Variants in PCDHGA10 observed in about 807,000 individuals in gnomAD.
PCDHGA10 encodes protocadherin gamma subfamily A, 10.
PCDHGA10 carries 42 observed loss-of-function variants against 59.5 expected under a neutral mutation model. The observed-to-expected ratio is 0.71, with a 90% CI of 0.55 to 0.91. The LOEUF is 0.91. Ranked by LOEUF, PCDHGA10 falls within the 40% of genes least tolerant of loss-of-function variation. The probability of loss-of-function intolerance (pLI) is 0.00; values close to 1 mark genes in which losing one functional copy is unlikely to be tolerated. For synonymous variants in PCDHGA10, 511 were observed against 517.2 expected, an observed-to-expected ratio of 0.99 and a Z score of 0.16; for missense variants, 1,111 against 1,198.2, an observed-to-expected ratio of 0.93 and a Z score of 1.07.
At chr5:141,423,342 C>A in intron 1 of PCDHGA10, 1 of 1,613,824 alleles carries the variant, frequency 6.2e-7, no homozygotes, top group South Asian at 1.1e-5. Flanking sequence ...CCTGCATCTT[C>A]CTGGTCTTTG....
chr5:141,481,856 G>A (rs1402368786), intron 1 of PCDHGA10, among the ~76,000 whole-genome samples: 1 of 149,156 alleles, frequency 6.7e-6, no homozygotes, highest in Admixed American at 6.8e-5. Flanking sequence ...GGAGGTTGCA[G>A]TGAGCCGAGA....
rs1358516648 is a variant in PCDHGA10, at chr5:141,489,199, A to C, written c.2437-5608A>C. The C allele has an allele frequency of 1.4e-6, 2 of 1,395,234 alleles. No individual in the cohort carries two copies. The highest frequency in any genetic ancestry group is 2.8e-5 in the South Asian group (2 of 71,520). The allele number at this position is 1,395,234 out of a possible 1,614,324, so 86.4% of individuals were successfully genotyped here. ...CAAGCCCTGGGTCTACCTTGGAGAC[A>C]GGACAGCACAGACTTACTCTCCACA... On this transcript the variant is annotated intron_variant, in intron 1 of 3. Transcript: ENST00000398610. The surrounding 1 kb of genome is among the most constrained non-coding windows in gnomAD (Gnocchi z 4.5).
At chr5:141,435,413 A>G (rs1422263053) in intron 1 of PCDHGA10, among the ~76,000 whole-genome samples, 1 of 152,122 alleles carries the variant, frequency 6.6e-6, no homozygotes, top group Admixed American at 6.5e-5. Flanking sequence ...GGTAAAGACT[A>G]TTTTTCACTT....
At position 141,421,474 on chromosome 5, in the gene PCDHGA10, G is replaced by C. The variant is rs1320526226; in HGVS notation, c.2436+5863G>C. 4 of 1,614,132 alleles carry C rather than the reference G, an allele frequency of 2.5e-6. No homozygotes were observed. The African/African-American group carries it at 5.3e-5, about 21-fold the overall frequency. On this transcript the variant is annotated intron_variant, in intron 1 of 3. Coordinates refer to ENST00000398610, the MANE Select transcript of PCDHGA10 (RefSeq NM_018913.3). ...GCTTTTCGCTGTGAATCCGCGAAGCGGCAGCTTGATCACGGCAGGCAGGAT... is the reference window on the plus strand; with the variant it reads ...GCTTTTCGCTGTGAATCCGCGAAGCCGCAGCTTGATCACGGCAGGCAGGAT...
intron 2 of PCDHGA10, among the ~76,000 whole-genome samples, chr5:141,495,912 CTT>C (rs1210428397): frequency 6.6e-6 from 1 of 152,140 alleles, no homozygotes; most frequent in Admixed American, 6.6e-5. Flanking sequence ...CTCTGTATAT[CTT>C]TCTTTGTCTC....
Position 141,512,171 on chromosome 5 carries a change from T to C in PCDHGA10, c.*998T>C, listed in dbSNP as rs140884268. ...GGGCTGAGCTAACAGGACCAATGGA[T>C]TAAACTGGCATTTCAGTCCAAGGAA... On this transcript the variant is annotated 3_prime_UTR_variant, in exon 4 of 4. Transcript: ENST00000398610. 584 of 152,796 alleles carry C rather than the reference T, an allele frequency of 3.8e-3. 5 individuals carry two copies. The highest frequency in any genetic ancestry group is 0.011 in the Admixed American group (167 of 15,298). The allele number at this position is 152,796 out of a possible 1,614,324, so 9.5% of individuals were successfully genotyped here. A position where few individuals can be genotyped will look rare whatever the true frequency, so the allele number is the denominator to read the frequency against.
chr5:141,449,528 G>C (rs1298713821), intron 1 of PCDHGA10, among the ~76,000 whole-genome samples: 1 of 149,040 alleles, frequency 6.7e-6, no homozygotes, highest in African/African-American at 2.5e-5. Context: ...GGCGGAGGTT[G>C]CAGTGAGCCG....
At chr5:141,425,214 A>G (rs999893857) in intron 1 of PCDHGA10, among the ~76,000 whole-genome samples, 2 of 152,178 alleles carry the variant, frequency 1.3e-5, no homozygotes, top group Non-Finnish European at 2.9e-5. Context: ...AAGGCATTGT[A>G]CTTTGACTGG....
intron 3 of PCDHGA10, among the ~76,000 whole-genome samples, chr5:141,508,439 T>C (rs1037512760): frequency 1.3e-5 from 2 of 152,188 alleles, no homozygotes; most frequent in African/African-American, 4.8e-5. Flanking sequence ...ACACAGTTCC[T>C]TAGTGGCAGA....
rs765673305 is a variant in PCDHGA10, at chr5:141,413,388, C to G, written c.213C>G (p.Val71=). Residue 71 remains valine, a synonymous_variant, in exon 1 of 4, where the codon GTC becomes GTG. Transcript: ENST00000398610. The part of the protein sequence containing the change: ...RELAERGVRI[V]SRGRTQLFSL... ...TGGCGGAGCGCGGAGTCCGCATAGTCTCCAGAGGTAGGACGCAGCTTTTCT... is the reference window on the plus strand; with the variant it reads ...TGGCGGAGCGCGGAGTCCGCATAGTGTCCAGAGGTAGGACGCAGCTTTTCT... 1 of 1,613,894 alleles carries G rather than the reference C, an allele frequency of 6.2e-7. No homozygotes were observed. Among genetic ancestry groups the G allele is most frequent in the African/African-American group, 1.3e-5 (1 of 74,946 alleles).
At position 141,491,798 on chromosome 5, in the gene PCDHGA10, G is replaced by A. The variant is rs1269524283; in HGVS notation, c.2437-3009G>A. 1 of 1,506,648 alleles carries A rather than the reference G, an allele frequency of 6.6e-7. No homozygotes were observed. The highest frequency in any genetic ancestry group is 8.9e-7 in the Non-Finnish European group (1 of 1,128,050). The allele number at this position is 1,506,648 out of a possible 1,614,324, so 93.3% of individuals were successfully genotyped here. ...TTGAACTTGCATCCACTCCTCTCCG[G>A]CCGGCTTGGTCGCTGGCTGCGCTCC... On this transcript the variant is annotated intron_variant, in intron 1 of 3. Coordinates refer to ENST00000398610, the MANE Select transcript of PCDHGA10 (RefSeq NM_018913.3). This position sits in a 1 kb window ranked among gnomAD's most constrained non-coding sequence, Gnocchi z 6.9.
chr5:141,490,033 A>C lies in PCDHGA10; in HGVS notation c.2437-4774A>C, dbSNP rs200482631. The C allele has an allele frequency of 4.0e-5, 65 of 1,614,116 alleles. No homozygotes were observed. Among genetic ancestry groups the C allele is most frequent in the Non-Finnish European group, 4.1e-5 (48 of 1,180,040 alleles). On this transcript the variant is annotated intron_variant, in intron 1 of 3. Transcript: ENST00000398610. This position sits in a 1 kb window ranked among gnomAD's most constrained non-coding sequence, Gnocchi z 5.4. ...CATTGGTACTCTGCTGCTCCGCCTC[A>C]ATGCCACTGATCCAGACGAGGGCAC...
chr5:141,445,120 AT>A (rs1287463110), intron 1 of PCDHGA10, among the ~76,000 whole-genome samples: 1 of 152,228 alleles, frequency 6.6e-6, no homozygotes, highest in African/African-American at 2.4e-5. Flanking sequence ...TGTAAATAGT[AT>A]TTTTAAAATT....
Position 141,423,337 on chromosome 5 carries a change from A to G in PCDHGA10, c.2436+7726A>G, listed in dbSNP as rs769321122. The G allele has an allele frequency of 6.0e-5, 97 of 1,614,180 alleles. 1 individual carries two copies. The African/African-American group carries it at 8.9e-4, about 15-fold the overall frequency. ...GGTGGCGGTGGCCGCAGTCTCCTGC[A>G]TCTTCCTGGTCTTTGTCATCGTGCT... On this transcript the variant is annotated intron_variant, in intron 1 of 3. Coordinates refer to ENST00000398610, the MANE Select transcript of PCDHGA10 (RefSeq NM_018913.3).
chr5:141,497,385 C>T (rs2154592097), intron 2 of PCDHGA10, among the ~76,000 whole-genome samples: 1 of 152,212 alleles, frequency 6.6e-6, no homozygotes, highest in African/African-American at 2.4e-5. Flanking sequence ...GGGGTGAGCA[C>T]CTTACCCCTG....
rs765586654 is a variant in PCDHGA10 at position 141,421,994 on chromosome 5, T to C, written c.2436+6383T>C. 8 of 1,608,922 alleles carry C rather than the reference T, an allele frequency of 5.0e-6. No homozygotes were observed. In the African/African-American group the frequency reaches 5.4e-5, roughly 11 times the overall value. On this transcript the variant is annotated intron_variant, in intron 1 of 3. Coordinates refer to ENST00000398610, the MANE Select transcript of PCDHGA10 (RefSeq NM_018913.3). ...TATCGCGTGAGTGTTCCAGAAAACA[T>C]CAGCTCCGGAACTCGGGTGCTGATG...
At chr5:141,452,781 A>G (rs575869415) in intron 1 of PCDHGA10, among the ~76,000 whole-genome samples, 10 of 152,302 alleles carry the variant, frequency 6.6e-5, no homozygotes, top group African/African-American at 2.4e-4. Flanking sequence ...CTGAGAAAGT[A>G]ACATACCATC....
chr5:141,418,618 A>T, intron 1 of PCDHGA10: 5 of 1,614,046 alleles, frequency 3.1e-6, no homozygotes, highest in Non-Finnish European at 4.2e-6. Context: ...GCCTTCGGGA[A>T]GACGTGCCTC....
chr5:141,455,502 A>G (rs888549465), intron 1 of PCDHGA10, among the ~76,000 whole-genome samples: 12 of 152,206 alleles, frequency 7.9e-5, no homozygotes, highest in African/African-American at 2.7e-4. Flanking sequence ...TCTGATTTGC[A>G]TAGGGCTCAG....
Sources: gnomAD v4.1 joint callset for allele counts (sites outside exome capture counted in the v4.1 genomes callset) on GRCh38, gnomAD v4.1.1 for gene constraint, Gnocchi (gnomAD v3.1) non-coding constraint, MANE v1.5 for transcripts, NCBI Gene and HGNC (gene_info 2026-07-23, HGNC 2026-07-21) for gene names.